Variants in PSME4 observed in about 807,000 individuals in gnomAD.
PSME4 encodes proteasome activator complex subunit 4.
In PSME4, 89 loss-of-function variants were observed where a neutral mutation model predicts 253.9. The observed-to-expected ratio is 0.35, with a 90% CI of 0.30 to 0.42. The LOEUF (loss-of-function observed/expected upper bound fraction) is 0.42, where lower values mean the gene tolerates loss of function less well. PSME4 is among the 10% of genes least tolerant of loss of function. PSME4 has a pLI of 1.00. For synonymous variants in PSME4, 851 were observed against 759.2 expected, an observed-to-expected ratio of 1.12 and a Z score of -1.99; for missense variants, 2,014 against 2,195.2, an observed-to-expected ratio of 0.92 and a Z score of 1.65.
chr2:53,886,761 C>G (rs1158040900), intron 40 of PSME4, among the ~76,000 whole-genome samples: 2 of 152,258 alleles, frequency 1.3e-5, no homozygotes, highest in Non-Finnish European at 2.9e-5. Flanking sequence ...CATCAATGTT[C>G]AGAGCAGCAT....
At chr2:53,958,512 A>G (rs1353347433) in intron 1 of PSME4, among the ~76,000 whole-genome samples, 1 of 152,210 alleles carries the variant, frequency 6.6e-6, no homozygotes, top group Non-Finnish European at 1.5e-5. Context: ...AAGAGAAACC[A>G]AATCCATTTG....
chr2:53,879,757 G>T (rs1434867344), intron 41 of PSME4, among the ~76,000 whole-genome samples: 2 of 140,598 alleles, frequency 1.4e-5, no homozygotes, highest in Non-Finnish European at 3.0e-5. Flanking sequence ...AGCTATGATC[G>T]TGCTACTGCA....
At chr2:53,882,151 T>A (rs1296695501) in intron 41 of PSME4, among the ~76,000 whole-genome samples, 9 of 152,182 alleles carry the variant, frequency 5.9e-5, no homozygotes, top group Non-Finnish European at 1.5e-5. Flanking sequence ...CTTACAACAA[T>A]GTGTTAGCTG....
At chr2:53,948,925 A>G (rs1669846645) in intron 2 of PSME4, among the ~76,000 whole-genome samples, 2 of 152,212 alleles carry the variant, frequency 1.3e-5, no homozygotes, top group Admixed American at 6.5e-5. Flanking sequence ...GGGAAGTTCA[A>G]TGGGTGCTAG....
intron 34 of PSME4, among the ~76,000 whole-genome samples, chr2:53,894,511 A>G (rs1680052592): frequency 6.7e-6 from 1 of 149,098 alleles, no homozygotes; most frequent in African/African-American, 2.6e-5. Context: ...GGCTCAAGTG[A>G]TCTACCTGCC....
At chr2:53,923,870 C>T (rs1177635439) in intron 14 of PSME4, among the ~76,000 whole-genome samples, 3 of 140,592 alleles carry the variant, frequency 2.1e-5, no homozygotes, top group African/African-American at 8.2e-5. Flanking sequence ...TTGCAGTGAG[C>T]CGAGATCGCG....
At position 53,931,820 on chromosome 2, in the gene PSME4, C is replaced by T. The variant is rs805352; in HGVS notation, c.1316+15G>A. 0.31 allele frequency: 503,998 copies of T among 1,611,252 alleles called. 80,941 individuals are homozygous for T. The highest frequency in any genetic ancestry group is 0.45 in the South Asian group (41,136 of 90,838). ...AAAAACCTAGCTGTGGCTGAGACTC[C>T]CACTAACCACTTACCTTTCAAGTAC... On this transcript the variant is annotated intron_variant, in intron 10 of 46. Coordinates refer to ENST00000404125, the MANE Select transcript of PSME4 (RefSeq NM_014614.3).
At chr2:53,963,021 A>G (rs1670558703) in intron 1 of PSME4, among the ~76,000 whole-genome samples, 1 of 151,936 alleles carries the variant, frequency 6.6e-6, no homozygotes, top group South Asian at 2.1e-4. Context: ...AAAAAAAAAA[A>G]AAAAGGACAC....
chr2:53,932,982 C>T, intron 8 of PSME4: 1 of 469,572 alleles, frequency 2.1e-6, no homozygotes, highest in South Asian at 3.7e-5. Flanking sequence ...TTACTTGAAC[C>T]AACATAAAAA....
At chr2:53,898,062 T>C (rs1213126608) in intron 30 of PSME4, 63 bp from the exon 31 acceptor site, 2 of 1,516,606 alleles carry the variant, frequency 1.3e-6, no homozygotes, top group Non-Finnish European at 1.8e-6. Context: ...AAAAAAACTG[T>C]ATGTGAAACA....
At chr2:53,893,137 T>C (rs1233427624) in intron 35 of PSME4, among the ~76,000 whole-genome samples, 177 bp from the exon 36 acceptor site, 2 of 152,164 alleles carry the variant, frequency 1.3e-5, no homozygotes, top group Non-Finnish European at 2.9e-5. Context: ...ATTTTAAATA[T>C]CACATTAAAA....
In PSME4 at chr2:53,940,952, C is replaced by CATATTTATATATATATAT. The variant is rs61078234; in HGVS notation, c.501-953_501-952insATATATATATATAAATAT. On this transcript the variant is annotated intron_variant, in intron 3 of 46. Transcript: ENST00000404125. ...TAATACATATATAAATATATATATA[C>CATATTTATATATATATAT]ATATATATATATATATATATATATA... Among the ~76,000 whole-genome samples the CATATTTATATATATATAT allele has an allele frequency of 2.5e-4, 6 of 24,028 alleles. 1 individual carries two copies. The highest frequency in any genetic ancestry group is 3.6e-4 in the Non-Finnish European group (5 of 13,822). The allele number at this position is 24,028 out of a possible 152,430, so 15.8% of individuals were successfully genotyped here.
At position 53,908,507 on chromosome 2, in the gene PSME4, T is replaced by C. The variant is rs1316882091; in HGVS notation, c.2685+3A>G. The C allele has an allele frequency of 6.2e-7, 1 of 1,610,630 alleles. No individual in the cohort carries two copies. The highest frequency in any genetic ancestry group is 1.7e-5 in the Admixed American group (1 of 59,640). Reference sequence around the variant, plus strand: ...TTATGCAACTATCAAATGACAAATGTACCTTTATAATAAGAAACAATGACT... The same window carrying C: ...TTATGCAACTATCAAATGACAAATGCACCTTTATAATAAGAAACAATGACT... On this transcript the variant is annotated splice_donor_region_variant and intron_variant, in intron 23 of 46. Transcript: ENST00000404125.
intron 1 of PSME4, among the ~76,000 whole-genome samples, chr2:53,964,955 G>A (rs899847697): frequency 6.6e-6 from 1 of 152,146 alleles, no homozygotes; most frequent in African/African-American, 2.4e-5. Context: ...CAATTAAAAT[G>A]ACTTCACATT....
chr2:53,944,923 G>T (rs1229783110), intron 3 of PSME4, among the ~76,000 whole-genome samples: 1 of 152,014 alleles, frequency 6.6e-6, no homozygotes, highest in African/African-American at 2.4e-5. Context: ...TGAAAAAAAT[G>T]AAAATATAAT....
intron 1 of PSME4, among the ~76,000 whole-genome samples, chr2:53,961,832 C>G (rs1670507514): frequency 6.6e-6 from 1 of 152,176 alleles, no homozygotes; most frequent in Non-Finnish European, 1.5e-5. Flanking sequence ...AGAGTACACC[C>G]AACAAAGGAG....
intron 21 of PSME4, among the ~76,000 whole-genome samples, chr2:53,909,445 A>C (rs1366622842): frequency 6.6e-6 from 1 of 152,228 alleles, no homozygotes; most frequent in Non-Finnish European, 1.5e-5. Flanking sequence ...ACCAAGTATA[A>C]CATATAAGTG....
intron 9 of PSME4, among the ~76,000 whole-genome samples, 182 bp from the exon 10 acceptor site, chr2:53,932,282 TAATGAA>T (rs1416001968): frequency 6.6e-6 from 1 of 152,148 alleles, no homozygotes; most frequent in Non-Finnish European, 1.5e-5. Flanking sequence ...TCCTAATAAT[TAATGAA>T]AATGAGTTTC....
chr2:53,884,698 T>G (rs1679557717), intron 41 of PSME4, among the ~76,000 whole-genome samples: 1 of 152,140 alleles, frequency 6.6e-6, no homozygotes, highest in South Asian at 2.1e-4. Flanking sequence ...GCTTGGTATG[T>G]GACAGAGGAA....
Sources: gnomAD v4.1 joint callset for allele counts (sites outside exome capture counted in the v4.1 genomes callset) on GRCh38, gnomAD v4.1.1 for gene constraint, MANE v1.5 for transcripts, NCBI Gene and HGNC (gene_info 2026-07-23, HGNC 2026-07-21) for gene names.